PCDH11Y: variants seen among roughly 807,000 people sequenced by gnomAD.
PCDH11Y encodes the protein protocadherin 11 Y-linked, also known as protocadherin-11 Y-linked.
For missense variants in PCDH11Y, 12 were observed against 224.8 expected, an observed-to-expected ratio of 0.05 and a Z score of 6.05; for synonymous variants, 9 against 83.6, an observed-to-expected ratio of 0.11 and a Z score of 4.87.
At chrY:5,413,763 C>G in intron 2 of PCDH11Y, among the ~76,000 whole-genome samples, 1 of 32,602 alleles carries the variant, frequency 3.1e-5, no homozygotes, top group South Asian at 6.9e-4. Context: ...ATTACTGATT[C>G]AATTTTGGAC....
chrY:5,250,883 C>T, intron 2 of PCDH11Y, among the ~76,000 whole-genome samples: 4 of 31,869 alleles, frequency 1.3e-4, no homozygotes, highest in Non-Finnish European at 3.1e-4. Context: ...TTATGTAATG[C>T]CTATTGCTGC....
At chrY:5,654,204 C>T in intron 4 of PCDH11Y, among the ~76,000 whole-genome samples, 6 of 32,756 alleles carry the variant, frequency 1.8e-4, no homozygotes, top group Admixed American at 8.4e-4. Flanking sequence ...CCAGTCATAA[C>T]GGCAACTACT....
intron 2 of PCDH11Y, among the ~76,000 whole-genome samples, chrY:5,250,745 A>G: frequency 3.1e-5 from 1 of 32,072 alleles, no homozygotes; most frequent in African/African-American, 1.2e-4. Context: ...AAACCTCCAC[A>G]TGTACCTCTG....
At chrY:5,441,318 A>G in intron 2 of PCDH11Y, among the ~76,000 whole-genome samples, 1 of 33,256 alleles carries the variant, frequency 3.0e-5, no homozygotes, top group Non-Finnish European at 7.5e-5. Flanking sequence ...AAATCGTTTT[A>G]AAAACAACTG....
intron 1 of PCDH11Y, among the ~76,000 whole-genome samples, chrY:5,031,610 T>G: frequency 3.1e-5 from 1 of 32,501 alleles, no homozygotes; most frequent in South Asian, 6.9e-4. Flanking sequence ...TATTCCCTGT[T>G]AAAGCTAAGA....
chrY:5,120,545 T>C (rs2052816618), intron 2 of PCDH11Y, among the ~76,000 whole-genome samples: 18 of 33,081 alleles, frequency 5.4e-4, no homozygotes, highest in Admixed American at 3.9e-3. Context: ...AGTAGAAATA[T>C]TGAGTATAGC....
intron 3 of PCDH11Y, among the ~76,000 whole-genome samples, chrY:5,046,844 C>T: frequency 2.1e-4 from 7 of 33,735 alleles, no homozygotes; most frequent in Non-Finnish European, 5.2e-4. Context: ...GTCGGAAAAG[C>T]GCAGTATTCA....
chrY:5,340,297 G>A (rs2124668701), intron 2 of PCDH11Y, among the ~76,000 whole-genome samples: 1 of 31,428 alleles, frequency 3.2e-5, no homozygotes, highest in Non-Finnish European at 7.7e-5. Flanking sequence ...ACCTTCTTCT[G>A]ACTGCCTTTT....
At chrY:5,596,154 C>T (rs2124699001) in intron 4 of PCDH11Y, among the ~76,000 whole-genome samples, 1 of 29,543 alleles carries the variant, frequency 3.4e-5, no homozygotes, top group South Asian at 7.8e-4. Flanking sequence ...TATTTCCTTT[C>T]TAATCTTATC....
chrY:5,588,935 C>G, intron 4 of PCDH11Y, among the ~76,000 whole-genome samples: 2 of 32,888 alleles, frequency 6.1e-5, no homozygotes, highest in African/African-American at 1.2e-4. Flanking sequence ...ACTTCCTACT[C>G]ATATCTCTTT....
intron 2 of PCDH11Y, among the ~76,000 whole-genome samples, chrY:5,194,992 G>A (rs2052917209): frequency 3.0e-5 from 1 of 32,811 alleles, no homozygotes. Context: ...TCCCCTACCC[G>A]ATTAGTTAGA....
chrY:5,472,676 G>C, intron 2 of PCDH11Y, among the ~76,000 whole-genome samples: 1 of 31,693 alleles, frequency 3.2e-5, no homozygotes, highest in Non-Finnish European at 7.8e-5. Flanking sequence ...ATACTTTTCA[G>C]AATATTTCTG....
At chrY:5,034,815 T>C in intron 3 of PCDH11Y, among the ~76,000 whole-genome samples, 1 of 28,630 alleles carries the variant, frequency 3.5e-5, no homozygotes, top group Non-Finnish European at 8.4e-5. Flanking sequence ...ATTTTCCCCA[T>C]GTGATGCTAA....
intron 4 of PCDH11Y, among the ~76,000 whole-genome samples, chrY:5,601,408 C>G: frequency 3.0e-5 from 1 of 32,812 alleles, no homozygotes; most frequent in Non-Finnish European, 7.5e-5. Flanking sequence ...AATGTAAGCT[C>G]TATGATGGCA....
At chrY:5,687,063 A>G in intron 4 of PCDH11Y, among the ~76,000 whole-genome samples, 2 of 29,532 alleles carry the variant, frequency 6.8e-5, no homozygotes, top group African/African-American at 1.4e-4. Flanking sequence ...ATCAGGAAAA[A>G]TAGCTAATGG....
intron 3 of PCDH11Y, among the ~76,000 whole-genome samples, chrY:5,556,575 C>T (rs2053423145): frequency 3.0e-5 from 1 of 33,260 alleles, no homozygotes; most frequent in Non-Finnish European, 7.4e-5. Context: ...CTGTCAGATG[C>T]ATAGTTTGCA....
At chrY:5,277,854 C>T (rs2053046272) in intron 2 of PCDH11Y, among the ~76,000 whole-genome samples, 1 of 32,215 alleles carries the variant, frequency 3.1e-5, no homozygotes, top group Non-Finnish European at 7.6e-5. Context: ...GGGTCCCAAA[C>T]TGCATTAGTT....
chrY:5,612,164 G>A, intron 4 of PCDH11Y, among the ~76,000 whole-genome samples: 2 of 31,931 alleles, frequency 6.3e-5, no homozygotes, highest in African/African-American at 2.5e-4. Flanking sequence ...CTGTAGACCG[G>A]AGCTGTTCCT....
downstream of PCDH11Y, among the ~76,000 whole-genome samples, chrY:5,103,140 T>C (rs2052782364): frequency 3.0e-5 from 1 of 33,276 alleles, no homozygotes; most frequent in Non-Finnish European, 7.5e-5. Flanking sequence ...AAAGAAATTA[T>C]GTATTTAAAA....
Sources: gnomAD v4.1 joint callset for allele counts (sites outside exome capture counted in the v4.1 genomes callset) on GRCh38, gnomAD v4.1.1 for gene constraint, MANE v1.5 for transcripts, NCBI Gene and HGNC (gene_info 2026-07-23, HGNC 2026-07-21) for gene names.